ZBTB11: variants seen among roughly 807,000 people sequenced by gnomAD.
The protein encoded by ZBTB11 is zinc finger and BTB domain-containing protein 11.
Under a neutral mutation model 113.1 loss-of-function variants are expected in ZBTB11, and 68 were observed. That is an observed-to-expected ratio of 0.60 (90% CI 0.49 to 0.74). The LOEUF is 0.74. Among genes scored for constraint, ZBTB11 ranks in the 30% least tolerant of loss-of-function variants. ZBTB11 has a pLI of 0.00. For synonymous variants in ZBTB11, 518 were observed against 452.6 expected, an observed-to-expected ratio of 1.14 and a Z score of -1.83; for missense variants, 1,104 against 1,279.4, an observed-to-expected ratio of 0.86 and a Z score of 2.09.
intron 3 of ZBTB11, among the ~76,000 whole-genome samples, chr3:101,670,220 G>T (rs1375990708): frequency 6.6e-6 from 1 of 152,192 alleles, no homozygotes; most frequent in Non-Finnish European, 1.5e-5. Flanking sequence ...AGCATAAAAG[G>T]ATAAGTGGTT....
rs1553777727 is a variant in ZBTB11, at chr3:101,654,664, T to C, written c.2309+40A>G. On this transcript the variant is annotated intron_variant, in intron 8 of 10. Transcript: ENST00000312938. ...TTTTTTTGAAAACTGAGTAAAAACA[T>C]AATTAAATTAACTGAATGCCTCACA... 13 of 1,518,470 alleles carry C rather than the reference T, an allele frequency of 8.6e-6. No homozygotes were observed. The East Asian group carries it at 2.5e-4, about 29-fold the overall frequency. The allele number at this position is 1,518,470 out of a possible 1,614,324, so 94.1% of individuals were successfully genotyped here.
In ZBTB11 at chr3:101,649,651, T is replaced by C. The variant is rs1936664695; in HGVS notation, c.*1515A>G. On this transcript the variant is annotated 3_prime_UTR_variant, in exon 11 of 11. Transcript: ENST00000312938. Reference sequence around the variant, plus strand: ...TATAAAGTTATGGGCTGTATGTCAATTCACGTCTTAAAATTGAAAGTCAGC... The same window carrying C: ...TATAAAGTTATGGGCTGTATGTCAACTCACGTCTTAAAATTGAAAGTCAGC... The C allele has an allele frequency of 6.6e-6, 1 of 152,632 alleles. No homozygotes were observed. Among genetic ancestry groups the C allele is most frequent in the African/African-American group, 2.4e-5 (1 of 41,460 alleles). 9.5% of individuals were successfully genotyped at this position (152,632 alleles called of 1,614,324 possible). A position where few individuals can be genotyped will look rare whatever the true frequency, so the allele number is the denominator to read the frequency against.
rs1161122101 is a variant in ZBTB11 at position 101,650,464 on chromosome 3, T to G, written c.*702A>C. ...AAGAAATAGTATAGTAAGGTTTTAA[T>G]AAGCATTTCATGCATTTTAATGGCA... is the stretch of plus-strand genomic sequence containing the variant. On this transcript the variant is annotated 3_prime_UTR_variant, in exon 11 of 11. Coordinates refer to ENST00000312938, the MANE Select transcript of ZBTB11 (RefSeq NM_014415.4). 6.6e-6 allele frequency: 1 copy of G among 152,662 alleles called. No homozygotes were observed. Among genetic ancestry groups the G allele is most frequent in the Non-Finnish European group, 1.5e-5 (1 of 68,026 alleles). 9.5% of individuals were successfully genotyped at this position (152,662 alleles called of 1,614,324 possible).
rs1246645155 is a variant in ZBTB11 at position 101,677,094 on chromosome 3, G to A, written c.-180C>T. Reference sequence around the variant, plus strand: ...AAGCGGGCGAGTTGGTAACCAGGGGGAACTGCACTTCTCCAGCGCGCGGGA... The same window carrying A: ...AAGCGGGCGAGTTGGTAACCAGGGGAAACTGCACTTCTCCAGCGCGCGGGA... On this transcript the variant is annotated 5_prime_UTR_variant, in exon 1 of 11. Transcript: ENST00000312938. 3 of 650,172 alleles carry A rather than the reference G, an allele frequency of 4.6e-6. No homozygotes were observed. The highest frequency in any genetic ancestry group is 7.4e-6 in the Non-Finnish European group (3 of 406,462). 40.3% of individuals were successfully genotyped at this position (650,172 alleles called of 1,614,324 possible).
chr3:101,672,211 T>C lies in ZBTB11; in HGVS notation c.313A>G (p.Ile105Val). 2.5e-6 allele frequency: 4 copies of C among 1,589,170 alleles called. No individual in the cohort carries two copies. The highest frequency in any genetic ancestry group is 3.4e-6 in the Non-Finnish European group (4 of 1,167,012). ...YLSKTYWWRG[I>V]LKQVKDYIKQ... ...ATGTAATCTTTGACTTGCTTCAATA[T>C]ACCTACAATGAAAATATTAACAAGT... Residue 105 changes from isoleucine (I) to valine (V), a missense_variant and splice_region_variant, in exon 2 of 11, where the codon ATA becomes GTA. Physicochemically the swap from Ile to Val is conservative, Grantham distance 29. Transcript: ENST00000312938.
At position 101,656,192 on chromosome 3, in the gene ZBTB11, A is replaced by T. The variant is rs1413615293; in HGVS notation, c.2103T>A (p.His701Gln). 1 of 1,602,484 alleles carries T rather than the reference A, an allele frequency of 6.2e-7. No individual in the cohort carries two copies. The highest frequency in any genetic ancestry group is 8.5e-7 in the Non-Finnish European group (1 of 1,175,094). Residue 701 changes from histidine (H) to glutamine (Q), a missense_variant, in exon 7 of 11, where the codon CAT (histidine) becomes CAA (glutamine). By Grantham distance (24) the His-to-Gln change is conservative. This residue lies in a region of ZBTB11 where 535 missense variants were observed against 518.6 expected (regional missense o/e 1.03). Transcript: ENST00000312938. ...CACACTGGAACTGCTTCTGTGATTG[A>T]TGAAGACTCTGATGTAATTTTAGAC... ...KHGLKLHQSL[H>Q]QSQKQFQCEL...
At chr3:101,655,220 A>G (rs1018309277) in intron 7 of ZBTB11, among the ~76,000 whole-genome samples, 1 of 152,176 alleles carries the variant, frequency 6.6e-6, no homozygotes, top group Non-Finnish European at 1.5e-5. Flanking sequence ...AAGTTACTTT[A>G]CCAAGGGGAC....
At chr3:101,658,513 T>G (rs1936835321) in intron 6 of ZBTB11, among the ~76,000 whole-genome samples, 1 of 152,106 alleles carries the variant, frequency 6.6e-6, no homozygotes, top group African/African-American at 2.4e-5. Flanking sequence ...TGAGCCACAC[T>G]GTACCCGGCC....
At chr3:101,655,495 T>A (rs142090015) in intron 7 of ZBTB11, among the ~76,000 whole-genome samples, 1 of 152,228 alleles carries the variant, frequency 6.6e-6, no homozygotes, top group Non-Finnish European at 1.5e-5. Flanking sequence ...AACTACTATG[T>A]TGACATTATG....
chr3:101,676,663 G>A lies in ZBTB11; in HGVS notation c.252C>T (p.Gly84=). ...LIEAAHLGPG[G]THHTRHQTWH... is the part of the protein sequence containing the mutation. ...AGGTCTGATGCCGGGTGTGGTGAGTGCCGCCGGGACCCAGGTGCGCCGCCT... is the reference window on the plus strand; with the variant it reads ...AGGTCTGATGCCGGGTGTGGTGAGTACCGCCGGGACCCAGGTGCGCCGCCT... Residue 84 remains glycine, a synonymous_variant, in exon 1 of 11, where the codon GGC becomes GGT. Coordinates refer to ENST00000312938, the MANE Select transcript of ZBTB11 (RefSeq NM_014415.4). 6.3e-7 allele frequency: 1 copy of A among 1,587,434 alleles called. No homozygotes were observed. The highest frequency in any genetic ancestry group is 8.6e-7 in the Non-Finnish European group (1 of 1,165,204).
intron 1 of ZBTB11, among the ~76,000 whole-genome samples, chr3:101,675,181 A>C (rs1937143238): frequency 6.6e-6 from 1 of 152,276 alleles, no homozygotes; most frequent in African/African-American, 2.4e-5. Context: ...TACAATTATC[A>C]TCTTTAACAA....
chr3:101,672,747 T>C (rs1459456702), intron 1 of ZBTB11, among the ~76,000 whole-genome samples: 4 of 152,228 alleles, frequency 2.6e-5, no homozygotes, highest in Non-Finnish European at 5.9e-5. Context: ...AACAATTTAA[T>C]ATGGCTCAAG....
At chr3:101,674,720 T>C (rs1165149338) in intron 1 of ZBTB11, among the ~76,000 whole-genome samples, 1 of 149,980 alleles carries the variant, frequency 6.7e-6, no homozygotes, top group East Asian at 2.0e-4. Context: ...ATAAAATAAA[T>C]AAATAAATAA....
rs1937179394 is a variant in ZBTB11 at position 101,676,621 on chromosome 3, C to T, written c.294G>A (p.Lys98=). The change falls in exon 1 of 11, where the codon AAG becomes AAA. Residue 98 remains lysine (K), a synonymous_variant. Coordinates refer to ENST00000312938, the MANE Select transcript of ZBTB11 (RefSeq NM_014415.4). ...TRHQTWHYLS[K]TYWWRGILKQ... ...AGGTCTCACCTCGCCACCAGTACGT[C>T]TTGGACAAGTAGTGCCAGGTCTGAT... The T allele has an allele frequency of 2.0e-6, 3 of 1,529,108 alleles. No individual in the cohort carries two copies. The highest frequency in any genetic ancestry group is 1.8e-4 in the Middle Eastern group (1 of 5,692). 94.7% of individuals were successfully genotyped at this position (1,529,108 alleles called of 1,614,324 possible). A position where few individuals can be genotyped will look rare whatever the true frequency, so the allele number is the denominator to read the frequency against.
intron 1 of ZBTB11, among the ~76,000 whole-genome samples, chr3:101,675,396 CTTGATGATGT>C: frequency 6.6e-6 from 1 of 152,318 alleles, no homozygotes; most frequent in South Asian, 2.1e-4. Context: ...AACGAATAAA[CTTGATGATGT>C]TTATAAACCG....
intron 5 of ZBTB11, among the ~76,000 whole-genome samples, chr3:101,663,644 C>T: frequency 6.6e-6 from 1 of 152,058 alleles, no homozygotes. Context: ...GTATCCCATA[C>T]CTTGGGGAGG....
At chr3:101,671,867 T>G in intron 2 of ZBTB11, 111 bp downstream of exon 2, 3 of 799,622 alleles carry the variant, frequency 3.8e-6, no homozygotes, top group Admixed American at 1.9e-5. Flanking sequence ...CACTGCCATT[T>G]TGTCTTATTC....
At chr3:101,656,457 T>A (rs1936800265) in intron 6 of ZBTB11, among the ~76,000 whole-genome samples, 1 of 152,204 alleles carries the variant, frequency 6.6e-6, no homozygotes, top group Non-Finnish European at 1.5e-5. Flanking sequence ...GTTATCTTTC[T>A]TAAATCCATG....
intron 6 of ZBTB11, among the ~76,000 whole-genome samples, chr3:101,658,617 A>G (rs557709251): frequency 6.6e-6 from 1 of 152,222 alleles, no homozygotes; most frequent in South Asian, 2.1e-4. Context: ...ACCACCTCCC[A>G]GGTTCAAATG....
Sources: gnomAD v4.1 joint callset for allele counts (sites outside exome capture counted in the v4.1 genomes callset) on GRCh38, gnomAD v4.1.1 for gene constraint, gnomAD v4.1.1 regional missense constraint, MANE v1.5 for transcripts, NCBI Gene and HGNC (gene_info 2026-07-23, HGNC 2026-07-21) for gene names.